Variants in NUP133 observed in about 807,000 individuals in gnomAD.
NUP133 encodes nuclear pore complex protein Nup133.
A neutral mutation model predicts 146.2 loss-of-function variants in NUP133; 66 were observed. That is an observed-to-expected ratio of 0.45 (90% CI 0.37 to 0.55). NUP133 has a LOEUF of 0.55. Ranked by LOEUF, NUP133 falls within the 20% of genes least tolerant of loss-of-function variation. The pLI is 0.00. For synonymous variants in NUP133, 521 were observed against 498.8 expected (o/e 1.04, Z -0.59); for missense variants, 1,277 against 1,374.8 (o/e 0.93, Z 1.12).
Position 229,499,164 on chromosome 1 carries a change from T to A in NUP133, c.648+520A>T, listed in dbSNP as rs1400656747. ...ATCCTTCCGCTTCAGCCATTCAAAGTGGTGAGACTGCACGCATGAGCCACC... is the reference window on the plus strand; with the variant it reads ...ATCCTTCCGCTTCAGCCATTCAAAGAGGTGAGACTGCACGCATGAGCCACC... On this transcript the variant is annotated intron_variant, in intron 5 of 25. Coordinates refer to ENST00000261396, the MANE Select transcript of NUP133 (RefSeq NM_018230.3). The A allele has an allele frequency of 1.7e-5, 8 of 469,480 alleles. No homozygotes were observed. The East Asian group carries it at 5.6e-4, about 33-fold the overall frequency. The allele number at this position is 469,480 out of a possible 1,614,324, so 29.1% of individuals were successfully genotyped here.
intron 8 of NUP133, among the ~76,000 whole-genome samples, chr1:229,493,378 G>A (rs1661570819): frequency 2.6e-5 from 4 of 151,968 alleles, no homozygotes; most frequent in Admixed American, 2.0e-4. Flanking sequence ...ATAGGGTCTC[G>A]TTTTGTTGCC....
intron 13 of NUP133, 135 bp downstream of exon 13, chr1:229,477,462 G>T (rs1661105758): frequency 7.7e-6 from 5 of 652,036 alleles, no homozygotes; most frequent in Middle Eastern, 9.4e-4. Flanking sequence ...AAAAAGGAAG[G>T]TCACAATATT....
At chr1:229,458,126 C>A (rs754865849) in intron 21 of NUP133, 35 bp downstream of exon 21, 3 of 1,596,846 alleles carry the variant, frequency 1.9e-6, no homozygotes, top group Non-Finnish European at 2.6e-6. Flanking sequence ...GATGGCATGA[C>A]CAATTTGTAA....
chr1:229,443,949 C>T (rs1660245163), intron 25 of NUP133, among the ~76,000 whole-genome samples: 1 of 147,966 alleles, frequency 6.8e-6, no homozygotes, highest in South Asian at 2.1e-4. Flanking sequence ...CTATGTTGCT[C>T]CAGCTGGTCT....
chr1:229,500,694 C>T (rs192379186), intron 4 of NUP133, 62 bp downstream of exon 4: 12,406 of 952,266 alleles, frequency 0.013, 120 homozygotes, highest in Non-Finnish European at 0.017. Context: ...AGGATGATTC[C>T]TCTAACTTTA....
At position 229,470,561 on chromosome 1, in the gene NUP133, GA is replaced by G. The variant is rs1170327087; in HGVS notation, c.2076+18del. On this transcript the variant is annotated intron_variant, in intron 15 of 25. Coordinates refer to ENST00000261396, the MANE Select transcript of NUP133 (RefSeq NM_018230.3). ...ATGGCACAGTTCTACAAAGCCACAT[GA>G]AAGAGGACTCATCTTACCTCCCTGA... 6.3e-7 allele frequency: 1 copy of G among 1,590,476 alleles called. No individual in the cohort carries two copies. Among genetic ancestry groups the G allele is most frequent in the Non-Finnish European group, 8.6e-7 (1 of 1,158,618 alleles).
intron 1 of NUP133, 184 bp downstream of exon 1, chr1:229,507,884 T>C (rs573911039): frequency 2.7e-4 from 263 of 979,382 alleles, no homozygotes; most frequent in Middle Eastern, 5.3e-4. Flanking sequence ...GGGAATCAAC[T>C]GATCAACTGA....
At chr1:229,472,234 G>A (rs1660972006) in intron 14 of NUP133, among the ~76,000 whole-genome samples, 1 of 151,048 alleles carries the variant, frequency 6.6e-6, no homozygotes, top group South Asian at 2.1e-4. Flanking sequence ...CAGGAGAATG[G>A]CATGAACCAG....
At chr1:229,457,146 C>T (rs948872869) in intron 21 of NUP133, among the ~76,000 whole-genome samples, 2 of 151,550 alleles carry the variant, frequency 1.3e-5, no homozygotes, top group East Asian at 1.9e-4. Flanking sequence ...TTTTAATTGA[C>T]GCATAATAAT....
At position 229,450,603 on chromosome 1, in the gene NUP133, T is replaced by C. The variant is rs760037758; in HGVS notation, c.3102A>G (p.Leu1034=). 4 of 1,500,428 alleles carry C rather than the reference T, an allele frequency of 2.7e-6. No homozygotes were observed. Among genetic ancestry groups the C allele is most frequent in the East Asian group, 4.6e-5 (2 of 43,592 alleles). The allele number at this position is 1,500,428 out of a possible 1,614,324, so 92.9% of individuals were successfully genotyped here. A position where few individuals can be genotyped will look rare whatever the true frequency, so the allele number is the denominator to read the frequency against. Residue 1034 remains leucine, a splice_region_variant and synonymous_variant, in exon 23 of 26, where the codon CTA becomes CTG. Transcript: ENST00000261396. ...CTCTTCTATTTTCTTCACAGATATATAGCTATGACAAGTTAAAATAAGGTA... is the reference window on the plus strand; with the variant it reads ...CTCTTCTATTTTCTTCACAGATATACAGCTATGACAAGTTAAAATAAGGTA... ...PVLTAPQLIG[L]YICEENRRAN...
intron 14 of NUP133, among the ~76,000 whole-genome samples, chr1:229,473,727 A>C (rs1455482039): frequency 1.3e-5 from 2 of 152,118 alleles, no homozygotes; most frequent in Admixed American, 1.3e-4. Flanking sequence ...GTTCGAAACT[A>C]GCCTGGGCAA....
intron 5 of NUP133, among the ~76,000 whole-genome samples, 200 bp downstream of exon 5, chr1:229,499,484 C>T (rs1402145129): frequency 3.3e-5 from 5 of 152,232 alleles, no homozygotes; most frequent in African/African-American, 4.8e-5. Context: ...CTCATTTCCA[C>T]GGCTGGGGTG....
At chr1:229,458,126 C>T (rs754865849) in intron 21 of NUP133, 35 bp downstream of exon 21, 3 of 1,596,846 alleles carry the variant, frequency 1.9e-6, no homozygotes, top group South Asian at 2.2e-5. Context: ...GATGGCATGA[C>T]CAATTTGTAA....
At chr1:229,493,587 C>T (rs1004488035) in intron 8 of NUP133, among the ~76,000 whole-genome samples, 1 of 152,158 alleles carries the variant, frequency 6.6e-6, no homozygotes, top group African/African-American at 2.4e-5. Flanking sequence ...AATAAATAAA[C>T]GGACCCATAT....
chr1:229,503,501 A>G (rs910388009), intron 2 of NUP133, among the ~76,000 whole-genome samples: 3 of 152,214 alleles, frequency 2.0e-5, no homozygotes, highest in African/African-American at 7.2e-5. Flanking sequence ...GACAAAACTA[A>G]ATTAGCACAT....
intron 14 of NUP133, among the ~76,000 whole-genome samples, chr1:229,475,121 T>A (rs989666898): frequency 2.0e-5 from 3 of 151,166 alleles, no homozygotes; most frequent in South Asian, 4.2e-4. Flanking sequence ...AATAAATAAA[T>A]AAAACAAACA....
chr1:229,464,744 AATCG>A lies in NUP133; in HGVS notation c.2427_2430del (p.Asp810AlafsTer43). The A allele has an allele frequency of 6.2e-7, 1 of 1,614,260 alleles. No individual in the cohort carries two copies. Among genetic ancestry groups the A allele is most frequent in the Non-Finnish European group, 8.5e-7 (1 of 1,180,050 alleles). On this transcript the variant is annotated frameshift_variant, in exon 18 of 26. Transcript: ENST00000261396. LOFTEE classifies it high-confidence loss of function. ...TGAGAAACATAACCATCCAGGAAGCAATCGATCAGGGCTACCAGCTGCTCGGTCA... is the reference window on the plus strand; with the variant it reads ...TGAGAAACATAACCATCCAGGAAGCAATCAGGGCTACCAGCTGCTCGGTCA...
chr1:229,491,265 G>C (rs983879918), intron 8 of NUP133, among the ~76,000 whole-genome samples: 6 of 152,170 alleles, frequency 3.9e-5, no homozygotes, highest in Non-Finnish European at 8.8e-5. Context: ...GTTACTTTTG[G>C]CCCTTTACAG....
rs573850576 is a variant in NUP133 at position 229,500,289 on chromosome 1, ACT to A, written c.513+465_513+466del. Among the ~76,000 whole-genome samples the A allele has an allele frequency of 4.6e-5, 7 of 152,038 alleles. No homozygotes were observed. In the South Asian group the frequency reaches 1.0e-3, roughly 23 times the overall value. The stretch of plus-strand genomic sequence containing the variant: ...ATCATGCTTTTGGTGATTTCCAAGA[ACT>A]CTGTCTAATCTCAGGTCATGATGAT... On this transcript the variant is annotated intron_variant, in intron 4 of 25. Coordinates refer to ENST00000261396, the MANE Select transcript of NUP133 (RefSeq NM_018230.3).
Sources: allele counts gnomAD v4.1 joint callset (sites outside exome capture counted in the v4.1 genomes callset), GRCh38; gene constraint gnomAD v4.1.1; transcripts MANE v1.5; gene names NCBI Gene and HGNC (gene_info 2026-07-23, HGNC 2026-07-21).